SLC1A7: variants seen among roughly 807,000 people sequenced by gnomAD.
The protein encoded by SLC1A7 is excitatory amino acid transporter 5.
Under a neutral mutation model 47.7 loss-of-function variants are expected in SLC1A7, and 40 were observed. The observed-to-expected ratio is 0.84, with a 90% CI of 0.65 to 1.09. The LOEUF is 1.09. Among genes scored for constraint, SLC1A7 ranks in the 50% least tolerant of loss-of-function variants. SLC1A7 has a pLI of 0.00. For missense variants in SLC1A7, 746 were observed against 769.5 expected (o/e 0.97, Z 0.36); for synonymous variants, 323 against 325.6 (o/e 0.99, Z 0.09).
intron 3 of SLC1A7, among the ~76,000 whole-genome samples, chr1:53,109,892 G>A (rs1322002789): frequency 6.6e-6 from 1 of 152,196 alleles, no homozygotes; most frequent in Non-Finnish European, 1.5e-5. Context: ...CAGAGCAGCA[G>A]CTGAATACAG....
chr1:53,131,839 A>G (rs927995999), intron 2 of SLC1A7, among the ~76,000 whole-genome samples: 1 of 152,264 alleles, frequency 6.6e-6, no homozygotes, highest in Non-Finnish European at 1.5e-5. Flanking sequence ...GAATGCATAT[A>G]GAATGACAAC....
At chr1:53,130,281 G>A (rs191196164) in intron 2 of SLC1A7, among the ~76,000 whole-genome samples, 3 of 152,300 alleles carry the variant, frequency 2.0e-5, no homozygotes, top group Admixed American at 2.0e-4. Context: ...GCAGGGGCTG[G>A]GCAGGAGCAG....
chr1:53,142,222 C>G (rs1645064968), intron 1 of SLC1A7, 93 bp downstream of exon 1: 3 of 1,385,976 alleles, frequency 2.2e-6, no homozygotes, highest in Non-Finnish European at 9.7e-7. Context: ...TGTCATGGCA[C>G]CAGGGAGCTG....
At chr1:53,137,491 G>C (rs989475303) in intron 1 of SLC1A7, among the ~76,000 whole-genome samples, 1 of 152,014 alleles carries the variant, frequency 6.6e-6, no homozygotes, top group Non-Finnish European at 1.5e-5. Flanking sequence ...TGATTGATGA[G>C]GAGTTAGTTC....
rs560770726 is a variant in SLC1A7, at chr1:53,092,290, T to C, written c.1031+264A>G. On this transcript the variant is annotated intron_variant, in intron 7 of 10. Transcript: ENST00000371494. ...TGATTTCCCACTGACTCTACTGTGC[T>C]GTCTGCCCTGGCGCGTCGAGGCCGC... Among the ~76,000 whole-genome samples, 1,073 of 152,374 alleles carry C rather than the reference T, an allele frequency of 7.0e-3. 10 individuals carry two copies. The highest frequency in any genetic ancestry group is 0.011 in the Non-Finnish European group (718 of 68,028).
In SLC1A7 at chr1:53,100,725, C is replaced by T. The variant is rs569070273; in HGVS notation, c.697+2621G>A. Among the ~76,000 whole-genome samples, 191 of 151,588 alleles carry T rather than the reference C, an allele frequency of 1.3e-3. 1 individual carries two copies. The highest frequency in any genetic ancestry group is 2.3e-3 in the Non-Finnish European group (159 of 67,858). The stretch of plus-strand genomic sequence containing the variant: ...CTGTGTACACTCATACATACCACCT[C>T]GGTACACTCACACACATTGCCTTGG... On this transcript the variant is annotated intron_variant, in intron 5 of 10. Transcript: ENST00000371494.
intron 5 of SLC1A7, among the ~76,000 whole-genome samples, chr1:53,093,901 C>A (rs574015273): frequency 6.6e-6 from 1 of 152,292 alleles, no homozygotes; most frequent in East Asian, 1.9e-4. Context: ...GTGGGCCCTG[C>A]CTGCCTCTCC....
At chr1:53,094,555 T>C (rs1263286878) in intron 5 of SLC1A7, among the ~76,000 whole-genome samples, 1 of 152,190 alleles carries the variant, frequency 6.6e-6, no homozygotes, top group Non-Finnish European at 1.5e-5. Context: ...TTCCCTGTCC[T>C]GAGAAGCCTG....
chr1:53,139,271 G>A lies in SLC1A7; in HGVS notation c.135+3044C>T, dbSNP rs534372190. On this transcript the variant is annotated intron_variant, in intron 1 of 10. Transcript: ENST00000371494. ...CAGAATTTAGAGATCTTTTCTCTGA[G>A]GCCTCAGTGAGAGAAGTCTCTTCCT... Among the ~76,000 whole-genome samples, 109 of 152,304 alleles carry A rather than the reference G, an allele frequency of 7.2e-4. 2 individuals are homozygous for A. In the South Asian group the frequency reaches 0.017, roughly 24 times the overall value.
chr1:53,104,472 G>A (rs1170459968), intron 4 of SLC1A7, among the ~76,000 whole-genome samples: 3 of 152,158 alleles, frequency 2.0e-5, no homozygotes, highest in African/African-American at 7.2e-5. Context: ...ACAAAGAAGG[G>A]GACATTTGAC....
intron 2 of SLC1A7, chr1:53,115,255 T>C (rs896913636): frequency 3.8e-6 from 2 of 523,494 alleles, no homozygotes; most frequent in Non-Finnish European, 3.4e-6. Context: ...GGGGACACTG[T>C]TGGGGGAGTG....
chr1:53,134,595 A>G (rs967559623), intron 1 of SLC1A7, among the ~76,000 whole-genome samples, 166 bp from the exon 2 acceptor site: 1 of 152,184 alleles, frequency 6.6e-6, no homozygotes, highest in Non-Finnish European at 1.5e-5. Context: ...ACTGGGTTCC[A>G]ATCCTGGTAA....
At chr1:53,119,168 G>A (rs1644793840) in intron 2 of SLC1A7, among the ~76,000 whole-genome samples, 1 of 152,140 alleles carries the variant, frequency 6.6e-6, no homozygotes, top group Non-Finnish European at 1.5e-5. Flanking sequence ...GGAAAATGGA[G>A]CACAGGGAGA....
intron 3 of SLC1A7, among the ~76,000 whole-genome samples, chr1:53,110,496 C>T (rs182879179): frequency 4.6e-5 from 7 of 152,220 alleles, no homozygotes; most frequent in East Asian, 3.9e-4. Context: ...GTTTTCACCA[C>T]GTGAAAAGCA....
intron 5 of SLC1A7, among the ~76,000 whole-genome samples, chr1:53,094,829 C>T (rs899694489): frequency 4.6e-5 from 7 of 152,342 alleles, no homozygotes; most frequent in Admixed American, 1.3e-4. Flanking sequence ...CTGCTGGGAG[C>T]CAGTGTGCAT....
At chr1:53,099,843 G>A (rs1486973114) in intron 5 of SLC1A7, among the ~76,000 whole-genome samples, 3 of 150,320 alleles carry the variant, frequency 2.0e-5, no homozygotes, top group African/African-American at 7.4e-5. Flanking sequence ...CCCTGCCTCA[G>A]TACACTCACA....
At chr1:53,097,944 C>T (rs1269638734) in intron 5 of SLC1A7, among the ~76,000 whole-genome samples, 1 of 40,648 alleles carries the variant, frequency 2.5e-5, no homozygotes, top group Non-Finnish European at 1.6e-4. Context: ...TCGGTACACT[C>T]ACACACCATG....
chr1:53,103,906 C>T (rs1644611818), intron 4 of SLC1A7, among the ~76,000 whole-genome samples: 1 of 152,132 alleles, frequency 6.6e-6, no homozygotes, highest in East Asian at 1.9e-4. Context: ...CATCTGTCCC[C>T]TCCCAATCAT....
At chr1:53,119,319 G>C (rs1644795595) in intron 2 of SLC1A7, among the ~76,000 whole-genome samples, 2 of 152,100 alleles carry the variant, frequency 1.3e-5, no homozygotes, top group Non-Finnish European at 2.9e-5. Context: ...CTGGTGGTGG[G>C]GGAAAAGATC....
Sources: allele counts gnomAD v4.1 joint callset (sites outside exome capture counted in the v4.1 genomes callset), GRCh38; gene constraint gnomAD v4.1.1; transcripts MANE v1.5; gene names NCBI Gene and HGNC (gene_info 2026-07-23, HGNC 2026-07-21).